Variants in RAD51B observed in about 807,000 individuals in gnomAD.
The protein encoded by RAD51B is RAD51 paralog B.
Under a neutral mutation model 42.2 loss-of-function variants are expected in RAD51B, and 38 were observed. That is an observed-to-expected ratio of 0.90 (90% confidence interval 0.70 to 1.18). The LOEUF (loss-of-function observed/expected upper bound fraction) is 1.18. RAD51B is among the 50% of genes most tolerant of loss of function. The pLI is 0.00. For missense variants in RAD51B, 373 were observed against 400.7 expected, an observed-to-expected ratio of 0.93 and a Z score of 0.59; for synonymous variants, 154 against 145.2, an observed-to-expected ratio of 1.06 and a Z score of -0.43.
Position 68,624,451 on chromosome 14 carries a change from C to G in RAD51B, c.1037-26330C>G, listed in dbSNP as rs529269763. 2.6e-5 allele frequency among the ~76,000 whole-genome samples: 4 copies of G among 152,250 alleles called. No homozygotes were observed. In the East Asian group the frequency reaches 7.7e-4, roughly 29 times the overall value. On this transcript the variant is annotated intron_variant, in intron 10 of 11. Coordinates refer to the RAD51B transcript ENST00000488612. ...GCCAATCACAGCTCTCCTAGCACTT[C>G]CGGGCCCTCGATATGCCAGAGCATG...
chr14:68,368,077 G>T (rs150514732), intron 8 of RAD51B, among the ~76,000 whole-genome samples: 172 of 152,302 alleles, frequency 1.1e-3, no homozygotes, highest in Non-Finnish European at 1.9e-3. Context: ...CAGTTTACAG[G>T]TGATGTTTTA....
intron 10 of RAD51B, among the ~76,000 whole-genome samples, chr14:68,510,604 G>A (rs920455353): frequency 5.3e-5 from 8 of 152,140 alleles, no homozygotes; most frequent in African/African-American, 4.8e-5. Flanking sequence ...TTTCAGTGGC[G>A]CGTCAAAATC....
intron 10 of RAD51B, chr14:68,628,313 G>C (rs946476922): frequency 6.6e-6 from 1 of 152,202 alleles, no homozygotes; most frequent in African/African-American, 2.4e-5. Context: ...CCGCCCCGGG[G>C]CGCGGGATGG....
At chr14:68,540,950 C>A in intron 10 of RAD51B, 1 of 985,414 alleles carries the variant, frequency 1.0e-6, no homozygotes, top group Non-Finnish European at 1.2e-6. Flanking sequence ...TTTCTTCACC[C>A]ACAACTATAA....
At chr14:67,845,061 G>T (rs1394834516) in intron 4 of RAD51B, among the ~76,000 whole-genome samples, 1 of 152,164 alleles carries the variant, frequency 6.6e-6, no homozygotes, top group Admixed American at 6.5e-5. Flanking sequence ...TGTCCAACTT[G>T]CCACTCTGTG....
chr14:68,506,664 A>G (rs1296438921), intron 10 of RAD51B, among the ~76,000 whole-genome samples: 8 of 152,350 alleles, frequency 5.3e-5, no homozygotes, highest in African/African-American at 1.9e-4. Flanking sequence ...GGGCAGCACC[A>G]GCACACCTAG....
intron 10 of RAD51B, among the ~76,000 whole-genome samples, chr14:68,559,122 T>C (rs1889012693): frequency 6.6e-6 from 1 of 150,932 alleles, no homozygotes; most frequent in African/African-American, 2.4e-5. Flanking sequence ...TATGTGTGCA[T>C]ATATATATAT....
chr14:68,020,872 A>G (rs980778456), intron 7 of RAD51B, among the ~76,000 whole-genome samples: 1 of 152,228 alleles, frequency 6.6e-6, no homozygotes, highest in Non-Finnish European at 1.5e-5. Flanking sequence ...CCATGTAAAA[A>G]TATATATGTT....
intron 7 of RAD51B, among the ~76,000 whole-genome samples, chr14:67,974,556 G>A (rs192598737): frequency 1.4e-4 from 21 of 152,118 alleles, no homozygotes; most frequent in African/African-American, 5.1e-4. Context: ...TAAATTCAAA[G>A]CTTTTTCTTT....
chr14:68,407,912 G>C (rs1340927941), intron 8 of RAD51B, among the ~76,000 whole-genome samples: 1 of 152,148 alleles, frequency 6.6e-6, no homozygotes, highest in African/African-American at 2.4e-5. Flanking sequence ...GAATGCCAGT[G>C]TTAGGAATTT....
chr14:68,659,276 C>T (rs1207834444), intron 11 of RAD51B, among the ~76,000 whole-genome samples: 1 of 152,170 alleles, frequency 6.6e-6, no homozygotes, highest in Non-Finnish European at 1.5e-5. Context: ...CATTCAGATC[C>T]CATTTCTCTC....
intron 5 of RAD51B, among the ~76,000 whole-genome samples, chr14:67,867,190 T>C (rs2042357426): frequency 6.6e-6 from 1 of 152,202 alleles, no homozygotes; most frequent in Admixed American, 6.5e-5. Flanking sequence ...TAGTGTCTGA[T>C]CACATTTCAT....
At chr14:67,875,583 C>A (rs1245146324) in intron 5 of RAD51B, among the ~76,000 whole-genome samples, 2 of 152,150 alleles carry the variant, frequency 1.3e-5, no homozygotes, top group Non-Finnish European at 2.9e-5. Flanking sequence ...TAACACTCTG[C>A]ACAGGTTTGT....
chr14:68,332,061 T>G (rs2082362356), intron 8 of RAD51B, among the ~76,000 whole-genome samples: 1 of 150,964 alleles, frequency 6.6e-6, no homozygotes, highest in African/African-American at 2.4e-5. Flanking sequence ...CCAAAAAGAG[T>G]TCACATTATA....
intron 8 of RAD51B, among the ~76,000 whole-genome samples, chr14:68,301,596 T>G (rs1409079966): frequency 8.8e-5 from 3 of 34,078 alleles, no homozygotes; most frequent in African/African-American, 1.8e-4. Context: ...TTGTGTGTTT[T>G]TTTTTTTTTT....
intron 10 of RAD51B, among the ~76,000 whole-genome samples, chr14:68,587,957 G>A (rs894886239): frequency 2.8e-4 from 43 of 152,230 alleles, no homozygotes; most frequent in African/African-American, 8.7e-4. Flanking sequence ...CTATAAACGC[G>A]GGCCTGGAAC....
chr14:68,530,293 A>ATTTT lies in RAD51B; in HGVS notation c.1036+62043_1036+62044insTTTT, dbSNP rs1334575138. ...ACCCCATCTCTACAAAAAATTTAAAAAAAAAATGCCAGTCATAATGGCATG... is the reference window on the plus strand; with the variant it reads ...ACCCCATCTCTACAAAAAATTTAAAATTTTAAAAAATGCCAGTCATAATGGCATG... On this transcript the variant is annotated intron_variant, in intron 10 of 10. Coordinates refer to the RAD51B transcript ENST00000487270. 8.7e-4 allele frequency among the ~76,000 whole-genome samples: 132 copies of ATTTT among 151,862 alleles called. 1 individual carries two copies. The highest frequency in any genetic ancestry group is 1.5e-3 in the Non-Finnish European group (104 of 67,898).
At chr14:68,247,490 AT>A (rs1241300337) in intron 7 of RAD51B, among the ~76,000 whole-genome samples, 1 of 152,214 alleles carries the variant, frequency 6.6e-6, no homozygotes, top group Non-Finnish European at 1.5e-5. Flanking sequence ...ATGAAAAACT[AT>A]TTCCTGATGC....
intron 8 of RAD51B, among the ~76,000 whole-genome samples, chr14:68,399,196 C>A (rs1368505874): frequency 6.6e-6 from 1 of 151,590 alleles, no homozygotes; most frequent in Non-Finnish European, 1.5e-5. Context: ...TTCAAACCTA[C>A]AGAAAAGTTC....
Sources: allele counts gnomAD v4.1 joint callset (sites outside exome capture counted in the v4.1 genomes callset), GRCh38; gene constraint gnomAD v4.1.1; transcripts MANE v1.5; gene names NCBI Gene and HGNC (gene_info 2026-07-23, HGNC 2026-07-21).